The following CYP7B1 variants were observed in gnomAD, a reference collection of about 807,000 sequenced individuals.
CYP7B1 encodes the protein cytochrome P450 family 7 subfamily B member 1.
Under a neutral mutation model 42.7 loss-of-function variants are expected in CYP7B1, and 29 were observed. The observed-to-expected ratio is 0.68, with a 90% confidence interval of 0.51 to 0.93. CYP7B1 has a LOEUF of 0.93. Among genes scored for constraint, CYP7B1 ranks in the 40% least tolerant of loss-of-function variants. The pLI is 0.00. For synonymous variants in CYP7B1, 235 were observed against 218.2 expected, an observed-to-expected ratio of 1.08 and a Z score of -0.68; for missense variants, 655 against 600.5, an observed-to-expected ratio of 1.09 and a Z score of -0.95.
intron 1 of CYP7B1, among the ~76,000 whole-genome samples, chr8:64,670,442 T>G (rs1806349091): frequency 6.6e-6 from 1 of 152,104 alleles, no homozygotes; most frequent in Non-Finnish European, 1.5e-5. Flanking sequence ...TTCCTGGAGA[T>G]AAAAAGGATT....
At chr8:64,629,802 C>T (rs1805663060) in intron 1 of CYP7B1, among the ~76,000 whole-genome samples, 1 of 152,206 alleles carries the variant, frequency 6.6e-6, no homozygotes, top group African/African-American at 2.4e-5. Context: ...GTTCTAACAA[C>T]TCTTGATAAT....
chr8:64,711,437 C>T (rs576938687), intron 1 of CYP7B1, among the ~76,000 whole-genome samples: 58 of 152,222 alleles, frequency 3.8e-4, no homozygotes, highest in Admixed American at 2.9e-3. Flanking sequence ...CAAATGGTGG[C>T]GCTACAAAGA....
At chr8:64,666,825 T>C (rs1806287427) in intron 1 of CYP7B1, among the ~76,000 whole-genome samples, 1 of 152,212 alleles carries the variant, frequency 6.6e-6, no homozygotes, top group African/African-American at 2.4e-5. Flanking sequence ...AAACAACAAA[T>C]GCTGCTGGCT....
downstream of CYP7B1, among the ~76,000 whole-genome samples, chr8:64,590,603 A>AT (rs977865126): frequency 5.3e-5 from 8 of 151,918 alleles, no homozygotes; most frequent in African/African-American, 1.5e-4. Flanking sequence ...AAACTTAGTG[A>AT]TTTTTTTTGA....
At chr8:64,694,991 G>A (rs780726485) in intron 1 of CYP7B1, among the ~76,000 whole-genome samples, 1 of 152,098 alleles carries the variant, frequency 6.6e-6, no homozygotes, top group Non-Finnish European at 1.5e-5. Flanking sequence ...TGAATCTGAC[G>A]TCAATAATGC....
chr8:64,661,237 C>T (rs1585839026), intron 1 of CYP7B1, among the ~76,000 whole-genome samples: 1 of 152,074 alleles, frequency 6.6e-6, no homozygotes, highest in East Asian at 1.9e-4. Flanking sequence ...GTGGGGATGG[C>T]CTTTCTGAAC....
At chr8:64,755,052 T>C (rs535254279) in intron 1 of CYP7B1, among the ~76,000 whole-genome samples, 1 of 152,316 alleles carries the variant, frequency 6.6e-6, no homozygotes, top group East Asian at 1.9e-4. Context: ...TTGAGGCCTA[T>C]GGTGAGGCCA....
chr8:64,792,751 T>C (rs117809533), intron 1 of CYP7B1, among the ~76,000 whole-genome samples: 2,645 of 152,234 alleles, frequency 0.017, 28 homozygotes, highest in Middle Eastern at 0.027. Flanking sequence ...TACGTGATTG[T>C]GATGATTTAG....
At chr8:64,764,737 T>C (rs141572229) in intron 1 of CYP7B1, among the ~76,000 whole-genome samples, 22 of 152,324 alleles carry the variant, frequency 1.4e-4, no homozygotes, top group African/African-American at 4.3e-4. Flanking sequence ...GGAAAACTCA[T>C]TGTGAGCATA....
intron 1 of CYP7B1, among the ~76,000 whole-genome samples, chr8:64,788,975 C>A (rs1804572743): frequency 6.6e-6 from 1 of 152,176 alleles, no homozygotes; most frequent in Non-Finnish European, 1.5e-5. Flanking sequence ...GCCTGGAGTG[C>A]AGTGGTGTGA....
chr8:64,732,906 G>C (rs1384982520), intron 1 of CYP7B1: 7 of 152,512 alleles, frequency 4.6e-5, no homozygotes. Context: ...CTTCCACCAT[G>C]ATTGTTAAGT....
chr8:64,756,359 A>G (rs1807808412), intron 1 of CYP7B1, among the ~76,000 whole-genome samples: 1 of 152,268 alleles, frequency 6.6e-6, no homozygotes, highest in African/African-American at 2.4e-5. Context: ...CAAGCATGTC[A>G]ACATGCAAAT....
At chr8:64,779,146 C>A (rs13252547) in intron 1 of CYP7B1, among the ~76,000 whole-genome samples, 61,099 of 151,820 alleles carry the variant, frequency 0.4, 15,038 homozygotes, top group Non-Finnish European at 0.51. Flanking sequence ...GTGCAAATGT[C>A]AGAACATTGT....
chr8:64,708,945 C>T (rs1440620672), intron 1 of CYP7B1, among the ~76,000 whole-genome samples: 1 of 152,120 alleles, frequency 6.6e-6, no homozygotes, highest in Non-Finnish European at 1.5e-5. Context: ...ATTAGTTCTC[C>T]CTCAACCTCA....
intron 1 of CYP7B1, among the ~76,000 whole-genome samples, chr8:64,674,616 A>G (rs1806416063): frequency 6.6e-6 from 1 of 152,144 alleles, no homozygotes. Flanking sequence ...CAAAGACAAA[A>G]AGAATGGGAT....
In CYP7B1 at chr8:64,685,773, T is replaced by TG. The variant is rs201010759; in HGVS notation, c.123-61235dup. 7.9e-3 allele frequency among the ~76,000 whole-genome samples: 289 copies of TG among 36,362 alleles called. 56 individuals are homozygous for TG. Among genetic ancestry groups the TG allele is most frequent in the African/African-American group, 0.019 (233 of 12,010 alleles). The allele number at this position is 36,362 out of a possible 152,430, so 23.9% of individuals were successfully genotyped here. On this transcript the variant is annotated intron_variant, in intron 1 of 5. Transcript: ENST00000310193. ...GCAGCCACCCCATCCGGGAGGGAGG[T>TG]GGGGGGGGGTCAGCCCCCCCGCCCG...
intron 1 of CYP7B1, among the ~76,000 whole-genome samples, chr8:64,769,663 G>A (rs1331381599): frequency 1.3e-5 from 2 of 152,176 alleles, no homozygotes; most frequent in Admixed American, 6.5e-5. Flanking sequence ...GCCATCTGCT[G>A]TTATGTGGTT....
At chr8:64,647,654 CAGA>C (rs1805974048) in intron 1 of CYP7B1, among the ~76,000 whole-genome samples, 1 of 152,098 alleles carries the variant, frequency 6.6e-6, no homozygotes, top group Admixed American at 6.5e-5. Context: ...CCAGAAGCAG[CAGA>C]AGATGAAATG....
chr8:64,775,706 G>A (rs1804313214), intron 1 of CYP7B1, among the ~76,000 whole-genome samples: 1 of 152,144 alleles, frequency 6.6e-6, no homozygotes, highest in African/African-American at 2.4e-5. Flanking sequence ...GGAAGAGACA[G>A]TGAACTTTGT....
Sources: allele counts gnomAD v4.1 joint callset (sites outside exome capture counted in the v4.1 genomes callset), GRCh38; gene constraint gnomAD v4.1.1; transcripts MANE v1.5; gene names NCBI Gene and HGNC (gene_info 2026-07-23, HGNC 2026-07-21).